The following AHSP variants were observed in gnomAD, a reference collection of about 807,000 sequenced individuals.
AHSP encodes alpha-hemoglobin-stabilizing protein.
A neutral mutation model predicts 2.7 loss-of-function variants in AHSP; 5 were observed. The ratio of observed to expected loss-of-function variants is 1.86; its 90% CI spans 0.97 to 3.92. The LOEUF (loss-of-function observed/expected upper bound fraction) is 3.92, where lower values mean the gene tolerates loss of function less well. Ranked by LOEUF, AHSP falls within the 30% of genes most tolerant of loss-of-function variation. AHSP has a pLI of 0.00. For missense variants in AHSP, 134 were observed against 119.8 expected (o/e 1.12, Z -0.55); for synonymous variants, 50 against 48.4 (o/e 1.03, Z -0.14).
In AHSP at chr16:31,527,914, G is replaced by C. The variant is rs1307922359; in HGVS notation, c.-53G>C. 1 of 561,976 alleles carries C rather than the reference G, an allele frequency of 1.8e-6. No individual in the cohort carries two copies. Among genetic ancestry groups the C allele is most frequent in the African/African-American group, 1.9e-5 (1 of 53,172 alleles). The allele number at this position is 561,976 out of a possible 1,614,324, so 34.8% of individuals were successfully genotyped here. On this transcript the variant is annotated 5_prime_UTR_variant, in exon 1 of 3. Coordinates refer to ENST00000302312, the MANE Select transcript of AHSP (RefSeq NM_016633.4). ...TATAGCTTGGCACAGAGAGATTCAC[G>C]CACCCTCAAGAGTGTGGGTGAGACA...
Position 31,528,163 on chromosome 16 carries a change from G to A in AHSP, c.24G>A (p.Lys8=), listed in dbSNP as rs760061302. ...AGATGGCTCTTCTTAAGGCCAATAAGGATCTCATTTCCGCAGGATTGAAGG... is the reference window on the plus strand; with the variant it reads ...AGATGGCTCTTCTTAAGGCCAATAAAGATCTCATTTCCGCAGGATTGAAGG... MALLKAN[K]DLISAGLKEF... The change falls in exon 2 of 3, where the codon AAG becomes AAA. Residue 8 remains lysine, a synonymous_variant. Transcript: ENST00000302312. The A allele has an allele frequency of 1.9e-6, 3 of 1,614,012 alleles. No homozygotes were observed. Among genetic ancestry groups the A allele is most frequent in the South Asian group, 2.2e-5 (2 of 91,082 alleles).
Position 31,528,150 on chromosome 16 carries a change from T to C in AHSP, c.11T>C (p.Leu4Pro), listed in dbSNP as rs780752941. 2 of 1,613,838 alleles carry C rather than the reference T, an allele frequency of 1.2e-6. No individual in the cohort carries two copies. The highest frequency in any genetic ancestry group is 1.7e-6 in the Non-Finnish European group (2 of 1,179,904). Residue 4 changes from leucine to proline, a missense_variant, in exon 2 of 3, where the codon CTT (leucine) becomes CCT (proline). Physicochemically the swap from Leu to Pro is moderately conservative, Grantham distance 98 (BLOSUM62 -3). Transcript: ENST00000302312. ...TCTCTACCCAGGCAGATGGCTCTTC[T>C]TAAGGCCAATAAGGATCTCATTTCC... MAL[L>P]KANKDLISAG...
In AHSP at chr16:31,528,226, C is replaced by T. The variant is rs1224659928; in HGVS notation, c.75+12C>T. On this transcript the variant is annotated intron_variant, in intron 2 of 2. Coordinates refer to ENST00000302312, the MANE Select transcript of AHSP (RefSeq NM_016633.4). ...TGCTGAATCAGCAGGTGAGTCCAAG[C>T]TTTCCATTTCAAAGGACTGGCCTGG... is the stretch of plus-strand genomic sequence containing the variant. 1.2e-6 allele frequency: 2 copies of T among 1,612,178 alleles called. No individual in the cohort carries two copies. Among genetic ancestry groups the T allele is most frequent in the East Asian group, 4.5e-5 (2 of 44,878 alleles).
Sources: allele counts gnomAD v4.1 joint callset, GRCh38; gene constraint gnomAD v4.1.1; transcripts MANE v1.5; gene names NCBI Gene and HGNC (gene_info 2026-07-23, HGNC 2026-07-21).